PCDHA2: variants seen among roughly 807,000 people sequenced by gnomAD.
The protein encoded by PCDHA2 is protocadherin alpha-2.
In PCDHA2, 58 loss-of-function variants were observed where a neutral mutation model predicts 66.0. The ratio of observed to expected loss-of-function variants is 0.88; its 90% CI spans 0.71 to 1.09. PCDHA2 has a LOEUF of 1.09. Among genes scored for constraint, PCDHA2 ranks in the 50% least tolerant of loss-of-function variants. The pLI is 0.00. For synonymous variants in PCDHA2, 634 were observed against 554.0 expected (o/e 1.14, Z -2.03); for missense variants, 1,267 against 1,242.3 (o/e 1.02, Z -0.30).
chr5:140,795,855 CA>C lies in PCDHA2; in HGVS notation c.892del (p.Ile298SerfsTer11), dbSNP rs781891525. 2 of 1,613,876 alleles carry C rather than the reference CA, an allele frequency of 1.2e-6. No homozygotes were observed. Among genetic ancestry groups the C allele is most frequent in the Admixed American group, 3.3e-5 (2 of 60,012 alleles). On this transcript the variant is annotated frameshift_variant, in exon 1 of 4. Coordinates refer to ENST00000526136, the MANE Select transcript of PCDHA2 (RefSeq NM_018905.3). LOFTEE classifies it high-confidence loss of function. Reference protein sequence around the residue: ...TIQTKFTIDPISGEIRTKGKL... With the variant: ...TIQTKFTIDPXSGEIRTKGKL... ...TACAGACTAAGTTTACCATAGATCC[CA>C]TCTCAGGGGAAATCAGAACTAAGGG...
At chr5:141,006,774 A>G (rs1435816376) in intron 3 of PCDHA2, among the ~76,000 whole-genome samples, 8 of 152,172 alleles carry the variant, frequency 5.3e-5, no homozygotes, top group Admixed American at 3.3e-4. Flanking sequence ...AGAATAGAGA[A>G]AAATGAATAA....
intron 1 of PCDHA2, among the ~76,000 whole-genome samples, chr5:140,898,250 A>T (rs2066615127): frequency 6.6e-6 from 1 of 152,210 alleles, no homozygotes; most frequent in South Asian, 2.1e-4. Flanking sequence ...TGTTTTAGAC[A>T]TGAAGTCCTT....
rs1282468969 is a variant in PCDHA2 at position 140,823,212 on chromosome 5, G to C, written c.2388+25860G>C. 4.3e-6 allele frequency: 7 copies of C among 1,613,784 alleles called. No homozygotes were observed. In the East Asian group the frequency reaches 1.6e-4, roughly 36 times the overall value. The stretch of plus-strand genomic sequence containing the variant: ...GCCACATCTTCACGGTGTCTGCACG[G>C]GACGCGGACGCGCAGGAGAACGCCC... On this transcript the variant is annotated intron_variant, in intron 1 of 3. Coordinates refer to ENST00000526136, the MANE Select transcript of PCDHA2 (RefSeq NM_018905.3).
chr5:140,884,457 G>A, intron 1 of PCDHA2: 1 of 1,613,758 alleles, frequency 6.2e-7, no homozygotes, highest in Non-Finnish European at 8.5e-7. Flanking sequence ...CCCACCGAGG[G>A]CGCGTGCGCG....
chr5:140,978,526 A>G (rs1197468187), intron 1 of PCDHA2, among the ~76,000 whole-genome samples: 5 of 152,248 alleles, frequency 3.3e-5, no homozygotes, highest in Admixed American at 2.0e-4. Flanking sequence ...CAGCCAGGCC[A>G]GCAGAACTTG....
intron 1 of PCDHA2, chr5:140,834,259 A>T: frequency 4.2e-6 from 4 of 957,528 alleles, no homozygotes; most frequent in Non-Finnish European, 6.3e-6. Context: ...AAGACGCTCC[A>T]CTCTCTTTCA....
chr5:140,822,502 A>C, intron 1 of PCDHA2: 1 of 1,613,896 alleles, frequency 6.2e-7, no homozygotes. Context: ...AGAATTTGAT[A>C]AATCCATTTA....
intron 1 of PCDHA2, among the ~76,000 whole-genome samples, chr5:140,872,029 A>C (rs782304127): frequency 7.9e-5 from 12 of 152,224 alleles, no homozygotes; most frequent in Admixed American, 2.6e-4. Context: ...GGAACTGCTA[A>C]GCTCAAAGAA....
rs1246720296 is a variant in PCDHA2, at chr5:140,996,308, AAGGGGGG to A, written c.2537-13314_2537-13308del. 2.6e-5 allele frequency among the ~76,000 whole-genome samples: 4 copies of A among 152,358 alleles called. No individual in the cohort carries two copies. The East Asian group carries it at 5.8e-4, about 22-fold the overall frequency. On this transcript the variant is annotated intron_variant, in intron 3 of 3. Coordinates refer to ENST00000526136, the MANE Select transcript of PCDHA2 (RefSeq NM_018905.3). ...CAAGAAGCACAGATTGTAACAAAGT[AAGGGGGG>A]AGGGTAGAGAAGAAAAGTTTGAAAA... is the stretch of plus-strand genomic sequence containing the variant.
Position 140,841,493 on chromosome 5 carries a change from G to A in PCDHA2, c.2388+44141G>A, listed in dbSNP as rs2150316668. On this transcript the variant is annotated intron_variant, in intron 1 of 3. Coordinates refer to ENST00000526136, the MANE Select transcript of PCDHA2 (RefSeq NM_018905.3). Reference sequence around the variant, plus strand: ...GCAGGACCTGGGGCTGGAGCTGGCGGAGCTGGTGCCGCGCCTGTTCCGGGT... The same window carrying A: ...GCAGGACCTGGGGCTGGAGCTGGCGAAGCTGGTGCCGCGCCTGTTCCGGGT... 2.5e-5 allele frequency: 41 copies of A among 1,613,108 alleles called. No homozygotes were observed. The South Asian group carries it at 4.3e-4, about 17-fold the overall frequency.
intron 1 of PCDHA2, chr5:140,801,630 T>A (rs1554121592): frequency 6.2e-7 from 1 of 1,613,850 alleles, no homozygotes; most frequent in East Asian, 2.2e-5. Context: ...TATTTCCGAA[T>A]CCCGACAGCC....
intron 1 of PCDHA2, among the ~76,000 whole-genome samples, chr5:140,872,428 G>C (rs2053656212): frequency 6.6e-6 from 1 of 151,990 alleles, no homozygotes; most frequent in African/African-American, 2.4e-5. Context: ...AGAGTTCGAG[G>C]CCTGCCTGGA....
At chr5:140,875,336 G>C in intron 1 of PCDHA2, 1 of 1,438,564 alleles carries the variant, frequency 7.0e-7, no homozygotes, top group Non-Finnish European at 9.1e-7. Flanking sequence ...GAATAGGATC[G>C]ACTCCATAAT....
At chr5:140,879,047 A>G (rs931436432) in intron 1 of PCDHA2, among the ~76,000 whole-genome samples, 1 of 152,238 alleles carries the variant, frequency 6.6e-6, no homozygotes, top group African/African-American at 2.4e-5. Flanking sequence ...AAAGATAGAC[A>G]ACATTTTACC....
chr5:140,877,917 TTTC>T, intron 1 of PCDHA2: 2 of 1,427,712 alleles, frequency 1.4e-6, no homozygotes, highest in East Asian at 5.0e-5. Flanking sequence ...TTCTCTCATT[TTTC>T]TTTATGATTC....
intron 1 of PCDHA2, among the ~76,000 whole-genome samples, chr5:140,895,744 G>T (rs534394379): frequency 6.6e-6 from 1 of 152,182 alleles, no homozygotes; most frequent in Admixed American, 6.5e-5. Flanking sequence ...GCTGCAAAGG[G>T]CATGATCTTT....
At chr5:140,843,912 C>T in intron 1 of PCDHA2, 1 of 634,402 alleles carries the variant, frequency 1.6e-6, no homozygotes, top group East Asian at 2.9e-5. Flanking sequence ...CAAGTTGGGT[C>T]TATCTTGAAA....
chr5:140,902,855 G>A lies in PCDHA2; in HGVS notation c.2389-76094G>A, dbSNP rs137957286. On this transcript the variant is annotated intron_variant, in intron 1 of 3. Coordinates refer to ENST00000526136, the MANE Select transcript of PCDHA2 (RefSeq NM_018905.3). ...GAGTTACTTCACTTAGAAAAATGGC[G>A]TCCAGGTCCACCCAAGCTGCTGCAA... is the stretch of plus-strand genomic sequence containing the variant. Among the ~76,000 whole-genome samples, 742 of 152,204 alleles carry A rather than the reference G, an allele frequency of 4.9e-3. 1 individual carries two copies. The highest frequency in any genetic ancestry group is 7.5e-3 in the Admixed American group (115 of 15,274).
rs1262836505 is a variant in PCDHA2 at position 141,012,081 on chromosome 5, T to C, written c.*2144T>C. The C allele has an allele frequency of 6.5e-6, 1 of 153,748 alleles. No individual in the cohort carries two copies. Among genetic ancestry groups the C allele is most frequent in the Non-Finnish European group, 1.5e-5 (1 of 68,042 alleles). 9.5% of individuals were successfully genotyped at this position (153,748 alleles called of 1,614,324 possible). On this transcript the variant is annotated 3_prime_UTR_variant, in exon 4 of 4. Transcript: ENST00000526136. Reference sequence around the variant, plus strand: ...CAACACATGTGAACCATTGCTACATTGTAGGTTGTGATCATTTTGCCCCAC... The same window carrying C: ...CAACACATGTGAACCATTGCTACATCGTAGGTTGTGATCATTTTGCCCCAC...
Sources: gnomAD v4.1 joint callset for allele counts (sites outside exome capture counted in the v4.1 genomes callset) on GRCh38, gnomAD v4.1.1 for gene constraint, MANE v1.5 for transcripts, NCBI Gene and HGNC (gene_info 2026-07-23, HGNC 2026-07-21) for gene names.